Variants in KNDC1 observed in about 807,000 individuals in gnomAD.
The protein encoded by KNDC1 is kinase non-catalytic C-lobe domain-containing protein 1.
A neutral mutation model predicts 172.8 loss-of-function variants in KNDC1; 106 were observed. That is an observed-to-expected ratio of 0.61 (90% CI 0.52 to 0.72). The LOEUF (loss-of-function observed/expected upper bound fraction) is 0.72. KNDC1 is among the 30% of genes least tolerant of loss of function. KNDC1 has a pLI of 0.00. For missense variants in KNDC1, 2,325 were observed against 2,394.5 expected, an observed-to-expected ratio of 0.97 and a Z score of 0.61; for synonymous variants, 1,083 against 1,062.2, an observed-to-expected ratio of 1.02 and a Z score of -0.38.
chr10:133,202,528 G>A (rs930116527), intron 17 of KNDC1: 2 of 437,162 alleles, frequency 4.6e-6, no homozygotes, highest in African/African-American at 4.0e-5. Context: ...AGAGCCCCGG[G>A]ACTCCAGGGT....
chr10:133,160,991 G>A (rs1371117037), intron 1 of KNDC1, among the ~76,000 whole-genome samples: 1 of 151,994 alleles, frequency 6.6e-6, no homozygotes, highest in East Asian at 1.9e-4. Flanking sequence ...GCGGGGGGTG[G>A]GGGGAGCGCT....
chr10:133,219,851 C>T (rs376518430), intron 28 of KNDC1, 104 bp from the exon 29 acceptor site: 43 of 1,176,138 alleles, frequency 3.7e-5, no homozygotes, highest in East Asian at 1.6e-4. Flanking sequence ...GCGTGGAGAA[C>T]GCAGGACCCG....
intron 6 of KNDC1, among the ~76,000 whole-genome samples, chr10:133,187,235 G>A (rs1315365757): frequency 3.3e-5 from 5 of 152,254 alleles, no homozygotes; most frequent in Admixed American, 6.5e-5. Flanking sequence ...ACAGGATGGG[G>A]CCTCCCCAGC....
chr10:133,194,344 T>C (rs866564476), intron 9 of KNDC1, among the ~76,000 whole-genome samples: 1 of 152,072 alleles, frequency 6.6e-6, no homozygotes, highest in Non-Finnish European at 1.5e-5. Context: ...TAAAAACATA[T>C]AGAACTGAGT....
intron 15 of KNDC1, 123 bp downstream of exon 15, chr10:133,199,725 T>A: frequency 8.8e-7 from 1 of 1,137,314 alleles, no homozygotes; most frequent in East Asian, 2.4e-5. Context: ...CGCTGCTGTC[T>A]CCAGAGGGGC....
chr10:133,207,360 G>A lies in KNDC1; in HGVS notation c.3794+9G>A, dbSNP rs752510014. The A allele has an allele frequency of 6.2e-7, 1 of 1,610,854 alleles. No homozygotes were observed. The highest frequency in any genetic ancestry group is 1.1e-5 in the South Asian group (1 of 90,952). On this transcript the variant is annotated intron_variant, in intron 20 of 29. Transcript: ENST00000304613. ...GCCTACCTGTACTCCAGGTGCGTTG[G>A]GAGAAAAGCTCACCCGGAAAAGGAG...
At chr10:133,220,143 A>T in intron 29 of KNDC1, 31 bp downstream of exon 29, 1 of 1,500,278 alleles carries the variant, frequency 6.7e-7, no homozygotes, top group Non-Finnish European at 9.0e-7. Context: ...CCGCGCGCCC[A>T]GGAGAGGAGG....
chr10:133,186,478 C>T lies in KNDC1; in HGVS notation c.1130C>T (p.Pro377Leu), dbSNP rs757292126. 2 of 1,612,342 alleles carry T rather than the reference C, an allele frequency of 1.2e-6. No individual in the cohort carries two copies. The highest frequency in any genetic ancestry group is 3.3e-5 in the Admixed American group (2 of 59,976). The change falls in exon 6 of 30, where the codon CCC (proline) becomes CTC (leucine). Residue 377 changes from proline (P) to leucine (L), a missense_variant. Pro to Leu is a moderately conservative substitution (Grantham distance 98). Transcript: ENST00000304613. The part of the protein sequence containing the change: ...QEPEHQLGRV[P>L]CAGRSTDRGP... Reference sequence around the variant, plus strand: ...CCGGAACACCAGCTGGGACGGGTTCCCTGTGCAGGCCGCAGCACGGACAGG... The same window carrying T: ...CCGGAACACCAGCTGGGACGGGTTCTCTGTGCAGGCCGCAGCACGGACAGG...
intron 3 of KNDC1, among the ~76,000 whole-genome samples, chr10:133,169,664 C>CGTGGCCTGGTGGCCGGGACATGGTGT (rs1050823233): frequency 6.6e-6 from 1 of 152,018 alleles, no homozygotes; most frequent in Admixed American, 6.6e-5. Flanking sequence ...TGACGCGGCA[C>CGTGGCCTGGTGGCCGGGACATGGTGT]GTGGCCTGGT....
intron 3 of KNDC1, among the ~76,000 whole-genome samples, chr10:133,172,920 G>A (rs770453184): frequency 5.3e-5 from 8 of 152,132 alleles, no homozygotes; most frequent in Admixed American, 1.3e-4. Context: ...GGAGGACTGC[G>A]TGGGCCCAGG....
intron 16 of KNDC1, among the ~76,000 whole-genome samples, 186 bp downstream of exon 16, chr10:133,200,646 C>CTCCTGGGGGTGCCCAGCCAAAGGCCGCCT (rs1564892037): frequency 4.0e-5 from 6 of 150,122 alleles, no homozygotes; most frequent in Admixed American, 3.3e-4. Context: ...AAAGGCCGCC[C>CTCCTGGGGGTGCCCAGCCAAAGGCCGCCT]TCTCCTGGGG....
chr10:133,216,547 C>G (rs1238284559), intron 26 of KNDC1, among the ~76,000 whole-genome samples: 1 of 152,134 alleles, frequency 6.6e-6, no homozygotes, highest in East Asian at 1.9e-4. Flanking sequence ...GCTGGTGGCG[C>G]ACACCTGGAG....
At chr10:133,187,533 G>A (rs1853954444) in intron 6 of KNDC1, among the ~76,000 whole-genome samples, 1 of 152,232 alleles carries the variant, frequency 6.6e-6, no homozygotes, top group Non-Finnish European at 1.5e-5. Context: ...ACCAGGCCTC[G>A]TTGATCTGAA....
At position 133,225,027 on chromosome 10, in the gene KNDC1, G is replaced by T; in HGVS notation, c.*137G>T. The T allele has an allele frequency of 2.8e-6, 2 of 706,600 alleles. No homozygotes were observed. The highest frequency in any genetic ancestry group is 2.4e-6 in the Non-Finnish European group (1 of 410,170). 43.8% of individuals were successfully genotyped at this position (706,600 alleles called of 1,614,324 possible). On this transcript the variant is annotated 3_prime_UTR_variant, in exon 30 of 30. Transcript: ENST00000304613. ...GAACCCTGGGGAGCTGGACCAGGAG[G>T]TGGAGGCTCAGGGGACCCCATGGGG...
At chr10:133,182,974 TGTGGGCACAGGCGGC>T (rs72018116) in intron 3 of KNDC1, among the ~76,000 whole-genome samples, 42 of 17,912 alleles carry the variant, frequency 2.3e-3, no homozygotes, top group Non-Finnish European at 4.2e-3. Flanking sequence ...GCACAGGCGG[TGTGGGCACAGGCGGC>T]GTGGGCACAG....
chr10:133,197,653 A>G (rs764811336), intron 11 of KNDC1, 22 bp from the exon 12 acceptor site: 1 of 1,590,574 alleles, frequency 6.3e-7, no homozygotes, highest in Non-Finnish European at 8.6e-7. Flanking sequence ...CACCTGGCCC[A>G]GGGCTGTCAC....
chr10:133,186,703 G>A, intron 6 of KNDC1, 29 bp downstream of exon 6: 1 of 1,520,368 alleles, frequency 6.6e-7, no homozygotes, highest in Non-Finnish European at 8.8e-7. Flanking sequence ...TGTGTGGGTG[G>A]AGGGGTCGGC....
At chr10:133,186,728 G>T in intron 6 of KNDC1, 54 bp downstream of exon 6, 1 of 1,307,218 alleles carries the variant, frequency 7.6e-7, no homozygotes. Context: ...AGTGAGTCCG[G>T]GGCCGGGCCT....
Position 133,209,947 on chromosome 10 carries a change from G to A in KNDC1, c.3795-664G>A, listed in dbSNP as rs10857686. Reference sequence around the variant, plus strand: ...CTGGTCAGTGTCTCCTGAGGGTGGCGCGGTTTCACCCAGTGAAGACCCAGA... The same window carrying A: ...CTGGTCAGTGTCTCCTGAGGGTGGCACGGTTTCACCCAGTGAAGACCCAGA... On this transcript the variant is annotated intron_variant, in intron 20 of 29. Transcript: ENST00000304613. The surrounding 1 kb of genome is among the most constrained non-coding windows in gnomAD (Gnocchi z 4.9). Among the ~76,000 whole-genome samples the A allele has an allele frequency of 2.6e-5, 4 of 151,964 alleles. No individual in the cohort carries two copies. The highest frequency in any genetic ancestry group is 5.9e-5 in the Non-Finnish European group (4 of 67,924).
Sources: gnomAD v4.1 joint callset for allele counts (sites outside exome capture counted in the v4.1 genomes callset) on GRCh38, gnomAD v4.1.1 for gene constraint, Gnocchi (gnomAD v3.1) non-coding constraint, MANE v1.5 for transcripts, NCBI Gene and HGNC (gene_info 2026-07-23, HGNC 2026-07-21) for gene names.